Variants in PEX2 observed in about 807,000 individuals in gnomAD.
PEX2 encodes peroxisome biogenesis factor 2.
A neutral mutation model predicts 25.2 loss-of-function variants in PEX2; 19 were observed. The ratio of observed to expected loss-of-function variants is 0.75; its 90% CI spans 0.53 to 1.10. PEX2 has a LOEUF of 1.10. Among genes scored for constraint, PEX2 ranks in the 50% least tolerant of loss-of-function variants. The pLI, the probability that PEX2 is intolerant of heterozygous loss-of-function variation, is 0.00. For missense variants in PEX2, 347 were observed against 350.6 expected, an observed-to-expected ratio of 0.99 and a Z score of 0.08; for synonymous variants, 141 against 127.7, an observed-to-expected ratio of 1.10 and a Z score of -0.70.
chr8:77,000,054 G>A lies in PEX2; in HGVS notation c.-224C>T, dbSNP rs1283835465. 4.6e-6 allele frequency: 2 copies of A among 433,824 alleles called. No individual in the cohort carries two copies. The highest frequency in any genetic ancestry group is 7.2e-5 in the East Asian group (1 of 13,822). 26.9% of individuals were successfully genotyped at this position (433,824 alleles called of 1,614,324 possible). ...CTCTGAAACATTCTCTGGAAAGCTT[G>A]TCTTTTCCTAGCCGAATCTGGATTA... is the stretch of plus-strand genomic sequence containing the variant. On this transcript the variant is annotated 5_prime_UTR_variant, in exon 1 of 4. Coordinates refer to ENST00000357039, the MANE Select transcript of PEX2 (RefSeq NM_000318.3).
chr8:77,000,371 C>CG, upstream of PEX2: 1 of 195,636 alleles, frequency 5.1e-6, no homozygotes, highest in Non-Finnish European at 1.1e-5. Flanking sequence ...GAGGACACTA[C>CG]AAGTGTCGAG....
rs1806850729 is a variant in PEX2 at position 76,982,228 on chromosome 8, A to T, written c.*1033T>A. The T allele has an allele frequency of 6.6e-6, 1 of 152,230 alleles. No homozygotes were observed. The highest frequency in any genetic ancestry group is 2.4e-5 in the African/African-American group (1 of 41,456). The allele number at this position is 152,230 out of a possible 1,614,324, so 9.4% of individuals were successfully genotyped here. A position where few individuals can be genotyped will look rare whatever the true frequency, so the allele number is the denominator to read the frequency against. On this transcript the variant is annotated 3_prime_UTR_variant, in exon 4 of 4. Coordinates refer to ENST00000357039, the MANE Select transcript of PEX2 (RefSeq NM_000318.3). ...AAAAGGCAGAGAAAAAGAGTGAAGG[A>T]TACAGAATTATCTTGATTATGCACT... is the stretch of plus-strand genomic sequence containing the variant.
intron 1 of PEX2, among the ~76,000 whole-genome samples, chr8:76,991,112 C>T (rs1012954362): frequency 6.6e-6 from 1 of 152,192 alleles, no homozygotes; most frequent in Non-Finnish European, 1.5e-5. Flanking sequence ...CAACTCATAA[C>T]TGCATCTCTT....
upstream of PEX2, among the ~76,000 whole-genome samples, chr8:77,000,474 G>A (rs1008530801): frequency 6.6e-6 from 1 of 152,048 alleles, no homozygotes; most frequent in African/African-American, 2.4e-5. Flanking sequence ...GGGTGGCGGC[G>A]AGACGCCTCC....
At chr8:77,000,239 G>T (rs778631774), upstream of PEX2, 1 of 301,048 alleles carries the variant, frequency 3.3e-6, no homozygotes, top group African/African-American at 2.3e-5. Context: ...CCGAAGAGCC[G>T]AAGGGCCGAA....
intron 1 of PEX2, among the ~76,000 whole-genome samples, chr8:76,997,927 T>TTTAG (rs1007388170): frequency 6.6e-6 from 1 of 152,082 alleles, no homozygotes; most frequent in African/African-American, 2.4e-5. Flanking sequence ...AATGGAGCAA[T>TTTAG]TTAGGGCTTT....
chr8:76,984,102 T>C lies in PEX2; in HGVS notation c.77A>G (p.Asn26Ser). The part of the protein sequence containing the change: ...RISQLDALEL[N>S]KALEQLVWSQ... The stretch of plus-strand genomic sequence containing the variant: ...CCAAACTAGCTGCTCCAGGGCCTTG[T>C]TTAGTTCAAGTGCATCCAACTGGCT... Residue 26 changes from asparagine (N) to serine (S), a missense_variant, in exon 4 of 4, where the codon AAC becomes AGC. Coordinates refer to ENST00000357039, the MANE Select transcript of PEX2 (RefSeq NM_000318.3). 6.2e-7 allele frequency: 1 copy of C among 1,613,582 alleles called. No individual in the cohort carries two copies. The highest frequency in any genetic ancestry group is 1.1e-5 in the South Asian group (1 of 90,988).
chr8:76,994,576 T>G (rs1343200385), intron 1 of PEX2, among the ~76,000 whole-genome samples: 1 of 152,114 alleles, frequency 6.6e-6, no homozygotes, highest in Non-Finnish European at 1.5e-5. Flanking sequence ...TAGGCATATT[T>G]GTCAATGCAT....
Position 77,000,060 on chromosome 8 carries a change from TC to T in PEX2, c.-231del, listed in dbSNP as rs1186801280. ...AACATTCTCTGGAAAGCTTGTCTTTTCCTAGCCGAATCTGGATTACCAAGGC... is the reference window on the plus strand; with the variant it reads ...AACATTCTCTGGAAAGCTTGTCTTTTCTAGCCGAATCTGGATTACCAAGGC... On this transcript the variant is annotated 5_prime_UTR_variant, in exon 1 of 4. Coordinates refer to ENST00000357039, the MANE Select transcript of PEX2 (RefSeq NM_000318.3). The T allele has an allele frequency of 1.4e-5, 6 of 429,248 alleles. No homozygotes were observed. Among genetic ancestry groups the T allele is most frequent in the Admixed American group, 5.1e-5 (2 of 38,910 alleles). The allele number at this position is 429,248 out of a possible 1,614,324, so 26.6% of individuals were successfully genotyped here. A position where few individuals can be genotyped will look rare whatever the true frequency, so the allele number is the denominator to read the frequency against.
chr8:77,001,008 C>T (rs749586174), upstream of PEX2: 3 of 152,176 alleles, frequency 2.0e-5, no homozygotes, highest in Non-Finnish European at 4.4e-5. Context: ...GATTCCAGCA[C>T]GTAGTAGGGT....
At chr8:76,991,789 G>A (rs1286853577) in intron 1 of PEX2, among the ~76,000 whole-genome samples, 1 of 152,142 alleles carries the variant, frequency 6.6e-6, no homozygotes, top group Non-Finnish European at 1.5e-5. Context: ...TCTCCTAAAA[G>A]TTGGAAATAA....
chr8:76,981,508 T>C lies in PEX2; in HGVS notation c.*1753A>G, dbSNP rs867412874. 5.3e-5 allele frequency: 8 copies of C among 152,176 alleles called. No homozygotes were observed. The allele number at this position is 152,176 out of a possible 1,614,324, so 9.4% of individuals were successfully genotyped here. A position where few individuals can be genotyped will look rare whatever the true frequency, so the allele number is the denominator to read the frequency against. ...CAAAAAACAAAGACGTTTGTATATA[T>C]TTTTATTTTTTTAGAAACGAACTCA... is the stretch of plus-strand genomic sequence containing the variant. On this transcript the variant is annotated 3_prime_UTR_variant, in exon 4 of 4. Coordinates refer to ENST00000357039, the MANE Select transcript of PEX2 (RefSeq NM_000318.3).
chr8:76,992,171 C>T (rs911382275), intron 1 of PEX2, among the ~76,000 whole-genome samples: 1 of 152,100 alleles, frequency 6.6e-6, no homozygotes, highest in Non-Finnish European at 1.5e-5. Flanking sequence ...TAACTTGCAC[C>T]TTGTCTGAAA....
In PEX2 at chr8:76,981,479, C is replaced by T. The variant is rs967250292; in HGVS notation, c.*1782G>A. ...CCCTTTCTCACCAAAAACAAACAAA[C>T]AAACAAAAAACAAAGACGTTTGTAT... On this transcript the variant is annotated 3_prime_UTR_variant, in exon 4 of 4. Coordinates refer to ENST00000357039, the MANE Select transcript of PEX2 (RefSeq NM_000318.3). 1 of 151,992 alleles carries T rather than the reference C, an allele frequency of 6.6e-6. No homozygotes were observed. Among genetic ancestry groups the T allele is most frequent in the African/African-American group, 2.4e-5 (1 of 41,388 alleles). The allele number at this position is 151,992 out of a possible 1,614,324, so 9.4% of individuals were successfully genotyped here.
rs989799295 is a variant in PEX2 at position 76,984,078 on chromosome 8, C to G, written c.101G>C (p.Trp34Ser). The change falls in exon 4 of 4, where the codon TGG becomes TCG. Residue 34 changes from tryptophan (W) to serine (S), a missense_variant. Trp to Ser is a radical substitution (Grantham distance 177, BLOSUM62 -3). Coordinates refer to ENST00000357039, the MANE Select transcript of PEX2 (RefSeq NM_000318.3). ...ATGAAAGCACTGAGTAAACTGGGAC[C>G]AAACTAGCTGCTCCAGGGCCTTGTT... is the stretch of plus-strand genomic sequence containing the variant. ...ELNKALEQLV[W>S]SQFTQCFHGF... The G allele has an allele frequency of 2.3e-5, 37 of 1,612,204 alleles. No individual in the cohort carries two copies. The highest frequency in any genetic ancestry group is 3.1e-5 in the Non-Finnish European group (37 of 1,179,092).
intron 1 of PEX2, among the ~76,000 whole-genome samples, chr8:76,990,074 T>C (rs531743379): frequency 5.3e-5 from 8 of 152,254 alleles, no homozygotes; most frequent in Non-Finnish European, 1.0e-4. Flanking sequence ...GATAACTTGC[T>C]GCAGCTCTGA....
intron 1 of PEX2, among the ~76,000 whole-genome samples, chr8:76,996,056 G>A (rs1807319517): frequency 6.6e-6 from 1 of 152,074 alleles, no homozygotes; most frequent in African/African-American, 2.4e-5. Context: ...AGGACATGAG[G>A]AAAATAGAGA....
At chr8:76,989,980 T>C (rs1807120195) in intron 1 of PEX2, among the ~76,000 whole-genome samples, 1 of 152,244 alleles carries the variant, frequency 6.6e-6, no homozygotes, top group African/African-American at 2.4e-5. Flanking sequence ...CATGGCATTT[T>C]CTTCCAATAT....
intron 1 of PEX2, among the ~76,000 whole-genome samples, chr8:76,992,124 CAG>C (rs1471185927): frequency 6.6e-6 from 1 of 152,040 alleles, no homozygotes; most frequent in Non-Finnish European, 1.5e-5. Context: ...CAGGAGTGGG[CAG>C]AGATATGATG....
Sources: gnomAD v4.1 joint callset for allele counts (sites outside exome capture counted in the v4.1 genomes callset) on GRCh38, gnomAD v4.1.1 for gene constraint, MANE v1.5 for transcripts, NCBI Gene and HGNC (gene_info 2026-07-23, HGNC 2026-07-21) for gene names.